ZMYND15: variants seen among roughly 807,000 people sequenced by gnomAD.
ZMYND15 encodes the protein zinc finger MYND-type containing 15.
Under a neutral mutation model 81.7 loss-of-function variants are expected in ZMYND15, and 54 were observed. The observed-to-expected ratio is 0.66, with a 90% confidence interval of 0.53 to 0.83. The LOEUF (loss-of-function observed/expected upper bound fraction) is 0.83, where lower values mean the gene tolerates loss of function less well. ZMYND15 is among the 40% of genes least tolerant of loss of function. The pLI is 0.00. For missense variants in ZMYND15, 925 were observed against 973.5 expected, an observed-to-expected ratio of 0.95 and a Z score of 0.66; for synonymous variants, 399 against 387.0, an observed-to-expected ratio of 1.03 and a Z score of -0.36.
Position 4,743,994 on chromosome 17 carries a change from C to T in ZMYND15, c.1382C>T (p.Ser461Leu), listed in dbSNP as rs1402815614. 7.7e-6 allele frequency: 12 copies of T among 1,553,720 alleles called. No homozygotes were observed. Among genetic ancestry groups the T allele is most frequent in the East Asian group, 2.4e-5 (1 of 41,020 alleles). The change falls in exon 8 of 14, where the codon TCA becomes TTA. Residue 461 changes from serine to leucine, a missense_variant. Coordinates refer to ENST00000433935, the MANE Select transcript of ZMYND15 (RefSeq NM_001136046.3). The surrounding 1 kb of genome is among the most constrained non-coding windows in gnomAD (Gnocchi z 4.3). ...PPHPPRGVFGSWQDYYTWRGL... is the reference protein window; with the variant it reads ...PPHPPRGVFGLWQDYYTWRGL... ...TCTAGCAACCCTCTCCTGCCAGGCT[C>T]ATGGCAGGATTACTACACATGGCGG...
chr17:4,744,904 G>C lies in ZMYND15; in HGVS notation c.1872G>C (p.Trp624Cys). ...CCGGGTTTGCTCTCAAGGATACGTGGCTGAGGTCTCTGCCCCGGTTACAGG... is the reference window on the plus strand; with the variant it reads ...CCGGGTTTGCTCTCAAGGATACGTGCCTGAGGTCTCTGCCCCGGTTACAGG... Reference protein sequence around the residue: ...FNSGFALKDTWLRSLPRLQSL... With the variant: ...FNSGFALKDTCLRSLPRLQSL... The change falls in exon 12 of 14, where the codon TGG (tryptophan) becomes TGC (cysteine). Residue 624 changes from tryptophan to cysteine, a missense_variant. Physicochemically the swap from Trp to Cys is radical, Grantham distance 215 (BLOSUM62 -2). Transcript: ENST00000433935. The surrounding 1 kb of genome is among the most constrained non-coding windows in gnomAD (Gnocchi z 4.1). 1 of 1,614,110 alleles carries C rather than the reference G, an allele frequency of 6.2e-7. No individual in the cohort carries two copies. Among genetic ancestry groups the C allele is most frequent in the Non-Finnish European group, 8.5e-7 (1 of 1,180,010 alleles).
chr17:4,744,246 G>A lies in ZMYND15; in HGVS notation c.1552G>A (p.Gly518Arg), dbSNP rs773981763. 2.2e-5 allele frequency: 36 copies of A among 1,613,956 alleles called. No homozygotes were observed. Among genetic ancestry groups the A allele is most frequent in the Admixed American group, 6.7e-5 (4 of 59,996 alleles). The change falls in exon 9 of 14, where the codon GGG (glycine) becomes AGG (arginine). Residue 518 changes from glycine to arginine, a missense_variant. Coordinates refer to ENST00000433935, the MANE Select transcript of ZMYND15 (RefSeq NM_001136046.3). The surrounding 1 kb of genome is among the most constrained non-coding windows in gnomAD (Gnocchi z 4.1). ...QSLKIHVVEA[G>R]KEFDLVMVFW... ...ACTGAAGATCCACGTGGTGGAGGCC[G>A]GGAAGGAGTTTGACCTTGTCATGGT...
chr17:4,744,031 G>A lies in ZMYND15; in HGVS notation c.1419G>A (p.Leu473=). 2 of 1,553,452 alleles carry A rather than the reference G, an allele frequency of 1.3e-6. No individual in the cohort carries two copies. The highest frequency in any genetic ancestry group is 1.7e-6 in the Non-Finnish European group (2 of 1,147,674). Residue 473 remains leucine, a synonymous_variant, in exon 8 of 14, where the codon TTG becomes TTA. Transcript: ENST00000433935. The surrounding 1 kb of genome is among the most constrained non-coding windows in gnomAD (Gnocchi z 4.1). ...QDYYTWRGLS[L]DSPIAVLLTY... ...ACTACACATGGCGGGGCCTCAGCTT[G>A]GACTCCCCCATAGCCGTGCTTCTCA...
At position 4,740,417 on chromosome 17, in the gene ZMYND15, C is replaced by G. The variant is rs1597502160; in HGVS notation, c.-30-102C>G. 2.9e-6 allele frequency: 4 copies of G among 1,401,194 alleles called. No homozygotes were observed. The East Asian group carries it at 7.8e-5, about 27-fold the overall frequency. 86.8% of individuals were successfully genotyped at this position (1,401,194 alleles called of 1,614,324 possible). A position where few individuals can be genotyped will look rare whatever the true frequency, so the allele number is the denominator to read the frequency against. ...TCCTAGCATATCCACGGATCCAACC[C>G]TAAGTGACTCTCAAACCTACCCTCT... On this transcript the variant is annotated intron_variant, in intron 1 of 13. Transcript: ENST00000433935.
intron 1 of ZMYND15, 131 bp from the exon 2 acceptor site, chr17:4,740,388 C>G: frequency 1.5e-6 from 2 of 1,339,920 alleles, no homozygotes; most frequent in Non-Finnish European, 1.9e-6. Context: ...ATCCTCTTCT[C>G]CGCTCCTAGC....
In ZMYND15 at chr17:4,741,103, C is replaced by T. The variant is rs146100065; in HGVS notation, c.555C>T (p.Asn185=). Residue 185 remains asparagine, a synonymous_variant, in exon 2 of 14, where the codon AAC becomes AAT. Transcript: ENST00000433935. ...KDGCREDRVE[N]ETRPQKRKGQ... Reference sequence around the variant, plus strand: ...GCTGCCGAGAGGACAGGGTGGAGAACGAAACAAGACCCCAGAAGAGGAAGG... The same window carrying T: ...GCTGCCGAGAGGACAGGGTGGAGAATGAAACAAGACCCCAGAAGAGGAAGG... The T allele has an allele frequency of 3.4e-5, 51 of 1,518,022 alleles. No homozygotes were observed. In the South Asian group the frequency reaches 4.9e-4, roughly 15 times the overall value. The allele number at this position is 1,518,022 out of a possible 1,614,324, so 94.0% of individuals were successfully genotyped here.
Position 4,740,709 on chromosome 17 carries a change from C to T in ZMYND15, c.161C>T (p.Pro54Leu), listed in dbSNP as rs941763933. 1 of 1,613,416 alleles carries T rather than the reference C, an allele frequency of 6.2e-7. No homozygotes were observed. Among genetic ancestry groups the T allele is most frequent in the Non-Finnish European group, 8.5e-7 (1 of 1,179,582 alleles). ...EAQIRRLPQDPALWVLHVLPN... is the reference protein window; with the variant it reads ...EAQIRRLPQDLALWVLHVLPN... ...CAGATCAGAAGGCTACCCCAGGACC[C>T]TGCCCTTTGGGTGCTCCATGTCCTG... Residue 54 changes from proline (P) to leucine (L), a missense_variant, in exon 2 of 14, where the codon CCT becomes CTT. Transcript: ENST00000433935.
Position 4,739,912 on chromosome 17 carries a change from C to T in ZMYND15, c.-169C>T. On this transcript the variant is annotated 5_prime_UTR_variant, in exon 1 of 14. Coordinates refer to ENST00000433935, the MANE Select transcript of ZMYND15 (RefSeq NM_001136046.3). This position sits in a 1 kb window ranked among gnomAD's most constrained non-coding sequence, Gnocchi z 5.3. ...CCGGCCGCGCGCACCTGCGGGGCAG[C>T]CACCCGCGGACGCACCGAGCCCGGG... 1 of 985,364 alleles carries T rather than the reference C, an allele frequency of 1.0e-6. No homozygotes were observed. Among genetic ancestry groups the T allele is most frequent in the Non-Finnish European group, 1.2e-6 (1 of 830,034 alleles). The allele number at this position is 985,364 out of a possible 1,614,324, so 61.0% of individuals were successfully genotyped here. A position where few individuals can be genotyped will look rare whatever the true frequency, so the allele number is the denominator to read the frequency against.
In ZMYND15 at chr17:4,745,263, G is replaced by A. The variant is rs1023030632; in HGVS notation, c.1945G>A (p.Val649Met). 5.6e-6 allele frequency: 9 copies of A among 1,613,802 alleles called. No homozygotes were observed. Among genetic ancestry groups the A allele is most frequent in the Non-Finnish European group, 7.6e-6 (9 of 1,179,978 alleles). Residue 649 changes from valine (V) to methionine (M), a missense_variant, in exon 13 of 14, where the codon GTG (valine) becomes ATG (methionine). Transcript: ENST00000433935. The surrounding 1 kb of genome is among the most constrained non-coding windows in gnomAD (Gnocchi z 5.2). ...FFTESSEYSC[V>M]MDGQTMAVAT... ...CACCGAGAGCAGCGAGTACAGCTGT[G>A]TGATGGACGGCCAGACCATGGCGGT...
At position 4,743,374 on chromosome 17, in the gene ZMYND15, C is replaced by T. The variant is rs756400312; in HGVS notation, c.1216C>T (p.Gln406Ter). 6.2e-7 allele frequency: 1 copy of T among 1,614,114 alleles called. No individual in the cohort carries two copies. The highest frequency in any genetic ancestry group is 1.7e-5 in the Admixed American group (1 of 60,010). ...SRGLTRGYWT[Q>*]LSMLIPGPGF... is the part of the protein sequence containing the mutation. ...GGGCCTCACTCGTGGCTATTGGACC[C>T]AGCTCAGCATGCTGATTCCAGGCCC... Residue 406 changes from glutamine to a stop codon, truncating the protein, a stop_gained, in exon 6 of 14, where the codon CAG becomes TAG. Coordinates refer to ENST00000433935, the MANE Select transcript of ZMYND15 (RefSeq NM_001136046.3). LOFTEE classifies it high-confidence loss of function. The surrounding 1 kb of genome is among the most constrained non-coding windows in gnomAD (Gnocchi z 4.3).
Position 4,745,876 on chromosome 17 carries a change from C to A in ZMYND15, c.2115C>A (p.Ala705=). The change falls in exon 14 of 14, where the codon GCC becomes GCA. Residue 705 remains alanine (A), a synonymous_variant. Transcript: ENST00000433935. This position sits in a 1 kb window ranked among gnomAD's most constrained non-coding sequence, Gnocchi z 5.2. ...ACAAGCCTGCTCAAGGGAGCGGGGC[C>A]CGCCCGGCGCCCGGGCCCCCACCCC... ...LVYKPAQGSG[A]RPAPGPPPPS... The A allele has an allele frequency of 6.3e-7, 1 of 1,578,334 alleles. No individual in the cohort carries two copies. Among genetic ancestry groups the A allele is most frequent in the Non-Finnish European group, 8.6e-7 (1 of 1,164,416 alleles).
Position 4,743,543 on chromosome 17 carries a change from A to G in ZMYND15, c.1297+88A>G. 6.4e-7 allele frequency: 1 copy of G among 1,552,728 alleles called. No individual in the cohort carries two copies. The highest frequency in any genetic ancestry group is 1.2e-5 in the South Asian group (1 of 84,112). ...TCTGGGTCCCAGATGATCCCTCCAC[A>G]TACACACTGACCCCTACCAACAGCA... On this transcript the variant is annotated intron_variant, in intron 6 of 13. Coordinates refer to ENST00000433935, the MANE Select transcript of ZMYND15 (RefSeq NM_001136046.3). This position sits in a 1 kb window ranked among gnomAD's most constrained non-coding sequence, Gnocchi z 4.3.
At position 4,742,382 on chromosome 17, in the gene ZMYND15, C is replaced by T; in HGVS notation, c.1035C>T (p.Asp345=). The T allele has an allele frequency of 6.2e-7, 1 of 1,614,184 alleles. No homozygotes were observed. Among genetic ancestry groups the T allele is most frequent in the Non-Finnish European group, 8.5e-7 (1 of 1,180,024 alleles). ...LYCGEACLRA[D]WQRCPDDVSH... is the part of the protein sequence containing the mutation. ...GTGGAGAGGCTTGTCTCCGGGCTGA[C>T]TGGCAGCGGTGCCCAGATGATGTGA... is the stretch of plus-strand genomic sequence containing the variant. Residue 345 remains aspartate, a synonymous_variant, in exon 5 of 14, where the codon GAC becomes GAT. Transcript: ENST00000433935.
chr17:4,745,053 C>T lies in ZMYND15; in HGVS notation c.1896+125C>T, dbSNP rs939940395. On this transcript the variant is annotated intron_variant, in intron 12 of 13. Coordinates refer to ENST00000433935, the MANE Select transcript of ZMYND15 (RefSeq NM_001136046.3). This position sits in a 1 kb window ranked among gnomAD's most constrained non-coding sequence, Gnocchi z 5.2. ...ACCTGCTCCACAAACCTGGGGAGTG[C>T]CCACGGGTCCCCCTGCCTCTCTCTG... is the stretch of plus-strand genomic sequence containing the variant. The T allele has an allele frequency of 5.3e-6, 8 of 1,519,984 alleles. No homozygotes were observed. The highest frequency in any genetic ancestry group is 1.2e-5 in the South Asian group (1 of 86,592). The allele number at this position is 1,519,984 out of a possible 1,614,324, so 94.2% of individuals were successfully genotyped here. A position where few individuals can be genotyped will look rare whatever the true frequency, so the allele number is the denominator to read the frequency against.
Position 4,743,427 on chromosome 17 carries a change from C to G in ZMYND15, c.1269C>G (p.Asn423Lys), listed in dbSNP as rs1436170042. Residue 423 changes from asparagine (N) to lysine (K), a missense_variant, in exon 6 of 14, where the codon AAC (asparagine) becomes AAG (lysine). Asn to Lys is a moderately conservative substitution (Grantham distance 94). Coordinates refer to ENST00000433935, the MANE Select transcript of ZMYND15 (RefSeq NM_001136046.3). This position sits in a 1 kb window ranked among gnomAD's most constrained non-coding sequence, Gnocchi z 4.3. ...GCTTCTCCAGACACCCCCGAGGCAA[C>G]ACGCCATCCCTCAGCCTTCTTCGCG... The part of the protein sequence containing the change: ...GPGFSRHPRG[N>K]TPSLSLLRGG... The G allele has an allele frequency of 6.2e-7, 1 of 1,614,158 alleles. No individual in the cohort carries two copies. The highest frequency in any genetic ancestry group is 1.1e-5 in the South Asian group (1 of 91,084).
In ZMYND15 at chr17:4,741,992, G is replaced by A. The variant is rs1189151875; in HGVS notation, c.905G>A (p.Gly302Asp). Residue 302 changes from glycine to aspartate, a missense_variant, in exon 4 of 14, where the codon GGC becomes GAC. Physicochemically the swap from Gly to Asp is moderately conservative, Grantham distance 94. Transcript: ENST00000433935. ...ATGCGGACATGGGGTCCCCGGCCAG[G>A]CTTCACCTTTGCTTCCCTTCGTGCT... ...TPMRTWGPRP[G>D]FTFASLRART... is the part of the protein sequence containing the mutation. The A allele has an allele frequency of 6.2e-7, 1 of 1,614,188 alleles. No individual in the cohort carries two copies. The highest frequency in any genetic ancestry group is 1.1e-5 in the South Asian group (1 of 91,080).
chr17:4,741,466 T>G lies in ZMYND15; in HGVS notation c.593-116T>G, dbSNP rs1916408501. The G allele has an allele frequency of 1.0e-5, 12 of 1,154,948 alleles. No individual in the cohort carries two copies. In the South Asian group the frequency reaches 1.6e-4, roughly 16 times the overall value. 71.5% of individuals were successfully genotyped at this position (1,154,948 alleles called of 1,614,324 possible). ...GCGTGCCCTCTCTACCCAGAGCCCTTTACTCAGTGAGGTTACTTGCCTAGC... is the reference window on the plus strand; with the variant it reads ...GCGTGCCCTCTCTACCCAGAGCCCTGTACTCAGTGAGGTTACTTGCCTAGC... On this transcript the variant is annotated intron_variant, in intron 2 of 13. Coordinates refer to ENST00000433935, the MANE Select transcript of ZMYND15 (RefSeq NM_001136046.3).
rs908341219 is a variant in ZMYND15, at chr17:4,744,143, G to T, written c.1495+36G>T. On this transcript the variant is annotated intron_variant, in intron 8 of 13. Coordinates refer to ENST00000433935, the MANE Select transcript of ZMYND15 (RefSeq NM_001136046.3). This position sits in a 1 kb window ranked among gnomAD's most constrained non-coding sequence, Gnocchi z 4.1. Reference sequence around the variant, plus strand: ...CGGAGTGGGGGGTGGAGCAGGATGGGGGAGTGAGAGTGGACCACATCCTTA... The same window carrying T: ...CGGAGTGGGGGGTGGAGCAGGATGGTGGAGTGAGAGTGGACCACATCCTTA... The T allele has an allele frequency of 2.5e-6, 4 of 1,613,124 alleles. No homozygotes were observed. The highest frequency in any genetic ancestry group is 1.6e-4 in the Middle Eastern group (1 of 6,062).
rs1229942761 is a variant in ZMYND15 at position 4,743,824 on chromosome 17, C to T, written c.1355C>T (p.Pro452Leu). ...ACTGCCCTGATGCCTCCTGTGCCCCCACATCCACCCCGGGGTGTTTTTGGT... is the reference window on the plus strand; with the variant it reads ...ACTGCCCTGATGCCTCCTGTGCCCCTACATCCACCCCGGGGTGTTTTTGGT... ...DGTALMPPVP[P>L]HPPRGVFGSW... Residue 452 changes from proline to leucine, a missense_variant, in exon 7 of 14, where the codon CCA becomes CTA. Transcript: ENST00000433935. The surrounding 1 kb of genome is among the most constrained non-coding windows in gnomAD (Gnocchi z 4.3). 5 of 1,614,044 alleles carry T rather than the reference C, an allele frequency of 3.1e-6. No individual in the cohort carries two copies. The highest frequency in any genetic ancestry group is 4.2e-6 in the Non-Finnish European group (5 of 1,180,004).
Sources: gnomAD v4.1 joint callset for allele counts on GRCh38, gnomAD v4.1.1 for gene constraint, Gnocchi (gnomAD v3.1) non-coding constraint, MANE v1.5 for transcripts, NCBI Gene and HGNC (gene_info 2026-07-23, HGNC 2026-07-21) for gene names.